Variants in CYTH3 observed in about 807,000 individuals in gnomAD.
The protein encoded by CYTH3 is cytohesin-3.
In CYTH3, 23 loss-of-function variants were observed where a neutral mutation model predicts 55.1. That is an observed-to-expected ratio of 0.42 (90% CI 0.30 to 0.59). CYTH3 has a LOEUF of 0.59. Ranked by LOEUF, CYTH3 falls within the 20% of genes least tolerant of loss-of-function variation. CYTH3 has a pLI of 0.20. For missense variants in CYTH3, 413 were observed against 524.8 expected (o/e 0.79, Z 2.08); for synonymous variants, 249 against 194.9 (o/e 1.28, Z -2.31).
chr7:6,239,254 A>G (rs527611978), intron 1 of CYTH3, among the ~76,000 whole-genome samples: 1 of 152,160 alleles, frequency 6.6e-6, no homozygotes, highest in East Asian at 1.9e-4. Context: ...GGGAGGGGAG[A>G]GGAGAGAAGA....
intron 1 of CYTH3, among the ~76,000 whole-genome samples, chr7:6,260,229 C>A (rs1583205300): frequency 6.6e-6 from 1 of 152,086 alleles, no homozygotes; most frequent in African/African-American, 2.4e-5. Context: ...ATATTACAAG[C>A]TGACAAACCC....
intron 1 of CYTH3, among the ~76,000 whole-genome samples, chr7:6,256,639 G>C (rs532772557): frequency 1.3e-5 from 2 of 152,230 alleles, no homozygotes; most frequent in Non-Finnish European, 2.9e-5. Context: ...AGGTAATAGA[G>C]ACTTAAATCC....
chr7:6,178,372 G>A (rs71531363), intron 4 of CYTH3, among the ~76,000 whole-genome samples: 3 of 152,196 alleles, frequency 2.0e-5, no homozygotes, highest in African/African-American at 7.2e-5. Flanking sequence ...GCTGGTCCCC[G>A]CTCCCTGCCA....
chr7:6,253,216 A>T (rs1029308963), intron 1 of CYTH3, among the ~76,000 whole-genome samples: 1 of 139,406 alleles, frequency 7.2e-6, no homozygotes, highest in Non-Finnish European at 1.6e-5. Flanking sequence ...CACGAAAACA[A>T]TTTTTTTTTT....
chr7:6,214,516 C>G (rs990779127), intron 1 of CYTH3, among the ~76,000 whole-genome samples: 1 of 152,078 alleles, frequency 6.6e-6, no homozygotes, highest in Non-Finnish European at 1.5e-5. Context: ...CAAAACCATA[C>G]AAACTGGTGC....
chr7:6,217,021 TC>T (rs1784443329), intron 1 of CYTH3, among the ~76,000 whole-genome samples: 2 of 152,032 alleles, frequency 1.3e-5, no homozygotes, highest in African/African-American at 4.8e-5. Context: ...CAAGTGATTC[TC>T]CTGCCTCAGC....
intron 1 of CYTH3, among the ~76,000 whole-genome samples, chr7:6,231,826 G>T (rs1449938548): frequency 6.6e-6 from 1 of 152,146 alleles, no homozygotes; most frequent in East Asian, 1.9e-4. Flanking sequence ...CAAAGGGCAG[G>T]AGCTCAAATA....
chr7:6,210,933 A>T (rs188681242), intron 1 of CYTH3, among the ~76,000 whole-genome samples: 3 of 152,234 alleles, frequency 2.0e-5, no homozygotes, highest in Non-Finnish European at 4.4e-5. Context: ...ATTCTATTTG[A>T]TATTTGATCA....
intron 9 of CYTH3, among the ~76,000 whole-genome samples, chr7:6,168,104 TTCTC>T (rs759016981): frequency 6.6e-6 from 1 of 152,158 alleles, no homozygotes; most frequent in Non-Finnish European, 1.5e-5. Context: ...GGGAGCCACT[TTCTC>T]TCTGTAAGTT....
intron 1 of CYTH3, among the ~76,000 whole-genome samples, chr7:6,264,726 T>C (rs562554791): frequency 2.0e-5 from 3 of 152,350 alleles, no homozygotes; most frequent in African/African-American, 7.2e-5. Flanking sequence ...TAGACACAAG[T>C]GACTTCAACT....
Position 6,162,057 on chromosome 7 carries a change from A to T in CYTH3, c.*2887T>A, listed in dbSNP as rs531600513. The T allele has an allele frequency of 2.6e-5, 4 of 152,678 alleles. No homozygotes were observed. The highest frequency in any genetic ancestry group is 9.6e-5 in the African/African-American group (4 of 41,466). 9.5% of individuals were successfully genotyped at this position (152,678 alleles called of 1,614,324 possible). ...TGGTCTACCACAGACCTAACTTCTC[A>T]GCAAAGCATATCTATGTAGATATCT... On this transcript the variant is annotated 3_prime_UTR_variant, in exon 13 of 13. Transcript: ENST00000350796.
intron 1 of CYTH3, among the ~76,000 whole-genome samples, chr7:6,214,219 G>A (rs927947163): frequency 1.3e-5 from 2 of 152,104 alleles, no homozygotes; most frequent in South Asian, 2.1e-4. Context: ...AAGGTTAATC[G>A]TGGAGCCTAG....
chr7:6,269,737 C>T (rs1161362321), intron 1 of CYTH3, among the ~76,000 whole-genome samples: 3 of 152,190 alleles, frequency 2.0e-5, no homozygotes, highest in Non-Finnish European at 4.4e-5. Context: ...AACTGCCTTC[C>T]AGCCATTCAT....
chr7:6,249,738 T>A (rs1285976702), intron 1 of CYTH3, among the ~76,000 whole-genome samples: 1 of 152,204 alleles, frequency 6.6e-6, no homozygotes, highest in Non-Finnish European at 1.5e-5. Flanking sequence ...GAGATACAAT[T>A]GACAACTAAA....
In CYTH3 at chr7:6,164,947, T is replaced by C; in HGVS notation, c.1197A>G (p.Lys399=). Residue 399 remains lysine (K), a synonymous_variant, in exon 13 of 13, where the codon AAA becomes AAG. Coordinates refer to ENST00000350796, the MANE Select transcript of CYTH3 (RefSeq NM_004227.4). The stretch of plus-strand genomic sequence containing the variant: ...CTGGGTCTTTTAGCCAGGAAAGCTA[T>C]TTTTTATTGGCAATCCTTCGTTTCC... ...ATRKRRIANK[K] is the part of the protein sequence containing the mutation. 1 of 1,614,230 alleles carries C rather than the reference T, an allele frequency of 6.2e-7. No homozygotes were observed. Among genetic ancestry groups the C allele is most frequent in the Non-Finnish European group, 8.5e-7 (1 of 1,180,032 alleles).
At chr7:6,173,335 G>A (rs1003875798) in intron 6 of CYTH3, among the ~76,000 whole-genome samples, 19 of 152,144 alleles carry the variant, frequency 1.2e-4, no homozygotes, top group African/African-American at 4.3e-4. Flanking sequence ...GAGCACCAAC[G>A]CCACGCCATA....
At chr7:6,254,277 AAAAG>A (rs1330667526) in intron 1 of CYTH3, among the ~76,000 whole-genome samples, 1 of 152,234 alleles carries the variant, frequency 6.6e-6, no homozygotes, top group Non-Finnish European at 1.5e-5. Flanking sequence ...GTTTAAAAAA[AAAAG>A]AAAGCTATAA....
chr7:6,171,173 AG>A lies in CYTH3; in HGVS notation c.562+28del, dbSNP rs755179476. ...CCAGAGCTGGAGGCTGTGCCTGGCA[AG>A]GGGCCAGGCTGTGGGCTCTGCACTG... is the stretch of plus-strand genomic sequence containing the variant. On this transcript the variant is annotated intron_variant, in intron 7 of 12. Coordinates refer to ENST00000350796, the MANE Select transcript of CYTH3 (RefSeq NM_004227.4). The surrounding 1 kb of genome is among the most constrained non-coding windows in gnomAD (Gnocchi z 6.7). The A allele has an allele frequency of 4.4e-6, 7 of 1,608,448 alleles. No homozygotes were observed. The South Asian group carries it at 7.7e-5, about 18-fold the overall frequency.
intron 1 of CYTH3, 66 bp downstream of exon 1, chr7:6,272,408 T>TCGGGGGGGGGGGGGC: frequency 5.0e-6 from 6 of 1,207,028 alleles, no homozygotes; most frequent in Non-Finnish European, 6.3e-6. Context: ...CGCCGCGCCC[T>TCGGGGGGGGGGGGGC]CGACCCCCAG....
Sources: gnomAD v4.1 joint callset for allele counts (sites outside exome capture counted in the v4.1 genomes callset) on GRCh38, gnomAD v4.1.1 for gene constraint, Gnocchi (gnomAD v3.1) non-coding constraint, MANE v1.5 for transcripts, NCBI Gene and HGNC (gene_info 2026-07-23, HGNC 2026-07-21) for gene names.